The following LARP4B variants were observed in gnomAD, a reference collection of about 807,000 sequenced individuals.
The protein encoded by LARP4B is la-related protein 4B.
A neutral mutation model predicts 89.8 loss-of-function variants in LARP4B; 12 were observed. The observed-to-expected ratio is 0.13, with a 90% confidence interval of 0.09 to 0.22. The LOEUF (loss-of-function observed/expected upper bound fraction) is 0.22, where lower values mean the gene tolerates loss of function less well. LARP4B is among the 10% of genes least tolerant of loss of function. LARP4B has a pLI of 1.00. For missense variants in LARP4B, 757 were observed against 947.7 expected, an observed-to-expected ratio of 0.80 and a Z score of 2.64; for synonymous variants, 367 against 363.3, an observed-to-expected ratio of 1.01 and a Z score of -0.12.
chr10:946,617 CCTCT>C, the LARP4B span, among the ~76,000 whole-genome samples: 2 of 151,778 alleles, frequency 1.3e-5, no homozygotes, highest in African/African-American at 4.8e-5. Flanking sequence ...TTGGGGGACC[CCTCT>C]CTCTCTCTAA....
chr10:846,595 G>C (rs146510349), intron 5 of LARP4B, among the ~76,000 whole-genome samples: 74 of 152,298 alleles, frequency 4.9e-4, no homozygotes, highest in African/African-American at 1.7e-3. Flanking sequence ...CACAGAGGCC[G>C]GTGTGTGTGA....
intron 1 of LARP4B, among the ~76,000 whole-genome samples, chr10:912,236 G>A (rs1295165924): frequency 2.0e-5 from 3 of 151,642 alleles, no homozygotes; most frequent in East Asian, 1.9e-4. Context: ...ACTGATCTTG[G>A]GCCACACATA....
At chr10:852,739 C>A (rs545603514) in intron 5 of LARP4B, among the ~76,000 whole-genome samples, 15 of 152,212 alleles carry the variant, frequency 9.9e-5, no homozygotes, top group Non-Finnish European at 1.8e-4. Context: ...ATGTAATCTA[C>A]AAAAAAGTGT....
intron 3 of LARP4B, among the ~76,000 whole-genome samples, chr10:877,687 C>T (rs1408423716): frequency 1.3e-5 from 2 of 152,008 alleles, no homozygotes; most frequent in Non-Finnish European, 2.9e-5. Flanking sequence ...TATGAGTAAA[C>T]GGAAGTGTTA....
At chr10:913,832 C>T (rs986509093) in intron 1 of LARP4B, among the ~76,000 whole-genome samples, 27 of 152,086 alleles carry the variant, frequency 1.8e-4, no homozygotes, top group Non-Finnish European at 3.8e-4. Flanking sequence ...TCACTTAAAC[C>T]CAGGAGGCTG....
At chr10:849,819 A>T (rs1260057116) in intron 5 of LARP4B, among the ~76,000 whole-genome samples, 1 of 152,250 alleles carries the variant, frequency 6.6e-6, no homozygotes, top group Non-Finnish European at 1.5e-5. Flanking sequence ...CCACTATAGT[A>T]TCATAATGAG....
the LARP4B span, among the ~76,000 whole-genome samples, chr10:962,064 C>T: frequency 7.2e-5 from 11 of 152,066 alleles, no homozygotes; most frequent in Admixed American, 1.3e-4. Context: ...AGGCCAAGGC[C>T]GGTGGATCAC....
the LARP4B span, among the ~76,000 whole-genome samples, chr10:945,412 CAT>C: frequency 2.6e-3 from 390 of 149,746 alleles, 3 homozygotes; most frequent in African/African-American, 9.3e-3. Context: ...ATGGTCCAGG[CAT>C]GGTGGCTCAC....
Position 817,794 on chromosome 10 carries a change from G to A in LARP4B, c.1626C>T (p.Gly542=). 2 of 1,614,126 alleles carry A rather than the reference G, an allele frequency of 1.2e-6. No homozygotes were observed. Among genetic ancestry groups the A allele is most frequent in the East Asian group, 4.5e-5 (2 of 44,886 alleles). The stretch of plus-strand genomic sequence containing the variant: ...CAAACAAGTCCTCTGTCTTCAAATT[G>A]CCGGCAGCTCCAGGTAATGGAGGGA... The part of the protein sequence containing the change: ...SSFPPLPGAA[G]NLKTEDLFEN... The change falls in exon 15 of 18, where the codon GGC becomes GGT. Residue 542 remains glycine (G), a synonymous_variant. Transcript: ENST00000316157.
intron 1 of LARP4B, among the ~76,000 whole-genome samples, chr10:905,717 G>A (rs537824410): frequency 6.6e-6 from 1 of 150,460 alleles, no homozygotes; most frequent in Admixed American, 6.6e-5. Context: ...CTGAGGAGCA[G>A]GGAAGGAGGG....
chr10:973,919 C>T, the LARP4B span, among the ~76,000 whole-genome samples: 1 of 152,118 alleles, frequency 6.6e-6, no homozygotes, highest in Non-Finnish European at 1.5e-5. Context: ...AGAGTATTTC[C>T]AGTCCCCTAA....
intron 5 of LARP4B, among the ~76,000 whole-genome samples, chr10:859,910 T>C (rs1347428466): frequency 1.3e-5 from 2 of 149,944 alleles, no homozygotes; most frequent in East Asian, 2.0e-4. Context: ...AGATGACTTT[T>C]AGGGCAGGGA....
At chr10:974,055 T>C in the LARP4B span, among the ~76,000 whole-genome samples, 1 of 152,204 alleles carries the variant, frequency 6.6e-6, no homozygotes, top group African/African-American at 2.4e-5. Context: ...CAGCTCCCTG[T>C]GTCCCAAAGG....
chr10:827,265 G>T (rs1832681208), intron 11 of LARP4B, among the ~76,000 whole-genome samples: 1 of 114,592 alleles, frequency 8.7e-6, no homozygotes, highest in South Asian at 2.3e-4. Context: ...GACAGAGAGA[G>T]ACTCTGTCTC....
chr10:930,803 C>T (rs1476413296), intron 1 of LARP4B, among the ~76,000 whole-genome samples: 1 of 152,184 alleles, frequency 6.6e-6, no homozygotes. Context: ...ATCCCAACTT[C>T]CTGGTTCTAA....
At chr10:897,334 A>G (rs1036234709) in intron 1 of LARP4B, among the ~76,000 whole-genome samples, 3 of 152,256 alleles carry the variant, frequency 2.0e-5, no homozygotes, top group Non-Finnish European at 4.4e-5. Flanking sequence ...CATGAAAATA[A>G]TGAAGCTGGG....
At chr10:911,721 G>A (rs1836670210) in intron 1 of LARP4B, among the ~76,000 whole-genome samples, 1 of 152,210 alleles carries the variant, frequency 6.6e-6, no homozygotes, top group East Asian at 1.9e-4. Context: ...GGAGTCTGAA[G>A]AGTTGTGAGT....
chr10:839,220 A>G (rs756502127), intron 7 of LARP4B, among the ~76,000 whole-genome samples: 16 of 152,238 alleles, frequency 1.1e-4, no homozygotes, highest in Non-Finnish European at 1.9e-4. Flanking sequence ...CCCATAGAAT[A>G]TACAATACCA....
intron 14 of LARP4B, chr10:819,077 C>T (rs1417856845): frequency 6.6e-6 from 1 of 152,220 alleles, no homozygotes; most frequent in Non-Finnish European, 1.5e-5. Flanking sequence ...GAGCAGCTGG[C>T]TGTTGTATGC....
Sources: gnomAD v4.1 joint callset for allele counts (sites outside exome capture counted in the v4.1 genomes callset) on GRCh38, gnomAD v4.1.1 for gene constraint, MANE v1.5 for transcripts, NCBI Gene and HGNC (gene_info 2026-07-23, HGNC 2026-07-21) for gene names.